PLEKHB2: variants seen among roughly 807,000 people sequenced by gnomAD.
The protein encoded by PLEKHB2 is pleckstrin homology domain containing B2, also known as pleckstrin homology domain-containing family B member 2.
In PLEKHB2, 31 loss-of-function variants were observed where a neutral mutation model predicts 36.5. That is an observed-to-expected ratio of 0.85 (90% CI 0.64 to 1.15). PLEKHB2 has a LOEUF of 1.15. Among genes scored for constraint, PLEKHB2 ranks in the 50% most tolerant of loss-of-function variants. PLEKHB2 has a pLI of 0.00. For missense variants in PLEKHB2, 262 were observed against 295.3 expected (o/e 0.89, Z 0.83); for synonymous variants, 119 against 112.0 (o/e 1.06, Z -0.39).
rs764681362 is a variant in PLEKHB2, at chr2:131,140,148, T to C, written c.424-19T>C. 4.7e-6 allele frequency: 7 copies of C among 1,475,428 alleles called. No individual in the cohort carries two copies. In the East Asian group the frequency reaches 1.1e-4, roughly 24 times the overall value. The allele number at this position is 1,475,428 out of a possible 1,614,324, so 91.4% of individuals were successfully genotyped here. A position where few individuals can be genotyped will look rare whatever the true frequency, so the allele number is the denominator to read the frequency against. ...AGAGGTTTCACAATTGTATTTCTAA[T>C]GGGCCTGTTTCTTTTCAGCAGGCTT... On this transcript the variant is annotated intron_variant, in intron 6 of 7. Coordinates refer to ENST00000693505, the MANE Select transcript of PLEKHB2 (RefSeq NM_001100623.2).
At chr2:131,110,066 G>T (rs1695133326) in intron 1 of PLEKHB2, among the ~76,000 whole-genome samples, 1 of 151,902 alleles carries the variant, frequency 6.6e-6, no homozygotes, top group Non-Finnish European at 1.5e-5. Context: ...AGAGAGCTGA[G>T]ATCGCGCCAC....
intron 1 of PLEKHB2, among the ~76,000 whole-genome samples, chr2:131,117,138 G>A (rs937157244): frequency 6.6e-6 from 1 of 151,692 alleles, no homozygotes; most frequent in African/African-American, 2.4e-5. Flanking sequence ...GATAGCAAAT[G>A]TAGCCAAATT....
At chr2:131,141,987 G>C (rs376373898) in intron 7 of PLEKHB2, among the ~76,000 whole-genome samples, 4 of 152,172 alleles carry the variant, frequency 2.6e-5, no homozygotes, top group African/African-American at 9.7e-5. Flanking sequence ...GCCCATGGGT[G>C]GCTGGACCCT....
chr2:131,110,516 C>T (rs954252447), intron 1 of PLEKHB2, among the ~76,000 whole-genome samples: 1 of 152,118 alleles, frequency 6.6e-6, no homozygotes, highest in African/African-American at 2.4e-5. Context: ...GGTGGGACTA[C>T]AGGCGTGCAC....
chr2:131,132,473 G>A (rs543346523), intron 5 of PLEKHB2, among the ~76,000 whole-genome samples: 14 of 152,130 alleles, frequency 9.2e-5, no homozygotes, highest in Non-Finnish European at 1.6e-4. Flanking sequence ...TTAATTTCTT[G>A]TTTTTTGTAG....
chr2:131,106,939 G>C (rs1435790648), intron 1 of PLEKHB2, among the ~76,000 whole-genome samples: 1 of 152,178 alleles, frequency 6.6e-6, no homozygotes, highest in Non-Finnish European at 1.5e-5. Context: ...GGTACATTCT[G>C]TAAGTAAATT....
intron 2 of PLEKHB2, among the ~76,000 whole-genome samples, chr2:131,123,524 T>C (rs540089307): frequency 6.6e-6 from 1 of 152,310 alleles, no homozygotes; most frequent in African/African-American, 2.4e-5. Context: ...CTCTATTTAG[T>C]AGGGCTTTTT....
At chr2:131,129,449 G>A (rs1307429997) in intron 4 of PLEKHB2, among the ~76,000 whole-genome samples, 4 of 151,990 alleles carry the variant, frequency 2.6e-5, no homozygotes, top group African/African-American at 9.7e-5. Flanking sequence ...GAAGATAAGA[G>A]GGATAGGGTC....
At chr2:131,112,363 C>T (rs1695421694) in intron 1 of PLEKHB2, among the ~76,000 whole-genome samples, 1 of 152,084 alleles carries the variant, frequency 6.6e-6, no homozygotes. Context: ...TTTGTAATAC[C>T]CTTTATAATA....
intron 2 of PLEKHB2, among the ~76,000 whole-genome samples, chr2:131,121,291 T>C (rs950157829): frequency 6.6e-6 from 1 of 152,180 alleles, no homozygotes; most frequent in South Asian, 2.1e-4. Flanking sequence ...GTTTCACTCT[T>C]GTTGTGGAGT....
intron 4 of PLEKHB2, among the ~76,000 whole-genome samples, chr2:131,128,872 A>G (rs1377545823): frequency 6.6e-6 from 1 of 152,248 alleles, no homozygotes; most frequent in African/African-American, 2.4e-5. Context: ...TTGGCAGACC[A>G]AAGTCCCTAC....
At chr2:131,109,113 C>T (rs140979958) in intron 1 of PLEKHB2, among the ~76,000 whole-genome samples, 2 of 152,040 alleles carry the variant, frequency 1.3e-5, no homozygotes, top group African/African-American at 2.4e-5. Context: ...TGGAAGAATC[C>T]CTTGAGCCCA....
At chr2:131,114,676 G>A (rs2104796852) in intron 1 of PLEKHB2, among the ~76,000 whole-genome samples, 1 of 151,910 alleles carries the variant, frequency 6.6e-6, no homozygotes, top group East Asian at 1.9e-4. Context: ...TCTAGGACAG[G>A]GACAAAATAC....
Position 131,126,188 on chromosome 2 carries a change from C to CT in PLEKHB2, c.190+283_190+284insT, listed in dbSNP as rs1386875614. On this transcript the variant is annotated intron_variant, in intron 3 of 7. Transcript: ENST00000693505. Reference sequence around the variant, plus strand: ...CCCTAGACTACGTTGATTTTGTACTCAGAAACTGGCTTCTGTTTGATGGTG... The same window carrying CT: ...CCCTAGACTACGTTGATTTTGTACTCTAGAAACTGGCTTCTGTTTGATGGTG... Among the ~76,000 whole-genome samples, 17 of 152,288 alleles carry CT rather than the reference C, an allele frequency of 1.1e-4. No homozygotes were observed. The East Asian group carries it at 2.9e-3, about 26-fold the overall frequency.
intron 2 of PLEKHB2, among the ~76,000 whole-genome samples, chr2:131,125,192 T>C (rs1406086888): frequency 6.6e-6 from 1 of 152,258 alleles, no homozygotes; most frequent in Non-Finnish European, 1.5e-5. Flanking sequence ...TTTGGAAATT[T>C]AGAAAGTTGA....
rs1699085010 is a variant in PLEKHB2 at position 131,144,424 on chromosome 2, A to G, written c.533-2213A>G. On this transcript the variant is annotated intron_variant, in intron 7 of 7. Transcript: ENST00000693505. ...GTCTTGTAGAGACCATCCTCATGACACGTCATTGCACTGCAGTTTCCAGGG... is the reference window on the plus strand; with the variant it reads ...GTCTTGTAGAGACCATCCTCATGACGCGTCATTGCACTGCAGTTTCCAGGG... The G allele has an allele frequency of 4.1e-6, 5 of 1,229,050 alleles. No individual in the cohort carries two copies. The East Asian group carries it at 1.6e-4, about 39-fold the overall frequency. 76.1% of individuals were successfully genotyped at this position (1,229,050 alleles called of 1,614,324 possible). A position where few individuals can be genotyped will look rare whatever the true frequency, so the allele number is the denominator to read the frequency against.
chr2:131,137,199 G>T (rs772644520), intron 6 of PLEKHB2, among the ~76,000 whole-genome samples: 1 of 148,962 alleles, frequency 6.7e-6, no homozygotes, highest in African/African-American at 2.6e-5. Flanking sequence ...TGCCCGCCTC[G>T]GCCTCCCAGA....
rs995544958 is a variant in PLEKHB2, at chr2:131,110,638, G to T, written c.-9+5240G>T. On this transcript the variant is annotated intron_variant, in intron 1 of 7. Coordinates refer to ENST00000693505, the MANE Select transcript of PLEKHB2 (RefSeq NM_001100623.2). ...TTCTCCCACCTTGGCTTCCCAAAGT[G>T]TTGGGATTATGCTCAAGAGCCACCA... 3.3e-5 allele frequency among the ~76,000 whole-genome samples: 5 copies of T among 152,170 alleles called. No individual in the cohort carries two copies. The East Asian group carries it at 9.6e-4, about 29-fold the overall frequency.
At chr2:131,114,691 A>G (rs1011128448) in intron 1 of PLEKHB2, among the ~76,000 whole-genome samples, 4 of 152,148 alleles carry the variant, frequency 2.6e-5, no homozygotes, top group African/African-American at 4.8e-5. Context: ...AAATACCACC[A>G]GTCTCTTTAC....
Sources: allele counts gnomAD v4.1 joint callset (sites outside exome capture counted in the v4.1 genomes callset), GRCh38; gene constraint gnomAD v4.1.1; transcripts MANE v1.5; gene names NCBI Gene and HGNC (gene_info 2026-07-23, HGNC 2026-07-21).